SGCZ: variants seen among roughly 807,000 people sequenced by gnomAD.
SGCZ encodes sarcoglycan zeta.
In SGCZ, 40 loss-of-function variants were observed where a neutral mutation model predicts 41.3. The observed-to-expected ratio is 0.97, with a 90% confidence interval of 0.75 to 1.26. SGCZ has a LOEUF of 1.26. Ranked by LOEUF, SGCZ falls within the 50% of genes most tolerant of loss-of-function variation. The pLI is 0.00. For synonymous variants in SGCZ, 206 were observed against 137.5 expected, an observed-to-expected ratio of 1.50 and a Z score of -3.49; for missense variants, 552 against 369.8, an observed-to-expected ratio of 1.49 and a Z score of -4.04.
chr8:14,661,656 A>G (rs1237751555), intron 1 of SGCZ, among the ~76,000 whole-genome samples: 1 of 152,136 alleles, frequency 6.6e-6, no homozygotes, highest in Non-Finnish European at 1.5e-5. Context: ...GGGAATTCAG[A>G]GCTCTGAAAT....
intron 1 of SGCZ, among the ~76,000 whole-genome samples, chr8:14,892,831 A>G (rs1178240246): frequency 4.6e-5 from 7 of 152,190 alleles, no homozygotes; most frequent in Admixed American, 3.9e-4. Flanking sequence ...GAAGGTTTGA[A>G]CTATATGATC....
intron 3 of SGCZ, among the ~76,000 whole-genome samples, chr8:14,262,819 GAA>G (rs576967089): frequency 7.7e-4 from 93 of 120,598 alleles, no homozygotes; most frequent in South Asian, 1.9e-3. Context: ...AATACTTCAA[GAA>G]AAAAAAAAAA....
At chr8:14,277,768 A>T (rs6530746) in intron 3 of SGCZ, among the ~76,000 whole-genome samples, 4 of 151,882 alleles carry the variant, frequency 2.6e-5, no homozygotes, top group Non-Finnish European at 4.4e-5. Flanking sequence ...ACCCCAAGTG[A>T]GGGGAGGAAT....
chr8:14,562,118 A>AT (rs1055930191), intron 1 of SGCZ, among the ~76,000 whole-genome samples: 1 of 152,108 alleles, frequency 6.6e-6, no homozygotes, highest in African/African-American at 2.4e-5. Context: ...AGCAGAGACC[A>AT]TTTTTTACCT....
chr8:14,290,509 T>C (rs1380045192), intron 3 of SGCZ, among the ~76,000 whole-genome samples: 2 of 152,106 alleles, frequency 1.3e-5, no homozygotes, highest in East Asian at 1.9e-4. Context: ...AATGACCTCA[T>C]TTAAAAATGG....
intron 1 of SGCZ, among the ~76,000 whole-genome samples, chr8:14,599,949 T>C (rs867746378): frequency 6.6e-6 from 1 of 152,156 alleles, no homozygotes; most frequent in South Asian, 2.1e-4. Flanking sequence ...AAAATAAAAA[T>C]GGAAAAAAAT....
intron 2 of SGCZ, among the ~76,000 whole-genome samples, chr8:14,356,737 A>T (rs1009278169): frequency 6.6e-6 from 1 of 152,086 alleles, no homozygotes; most frequent in Non-Finnish European, 1.5e-5. Flanking sequence ...TATTTTTAAT[A>T]TTGTCTTTTC....
intron 2 of SGCZ, among the ~76,000 whole-genome samples, chr8:14,384,379 A>C (rs1365156185): frequency 6.6e-6 from 1 of 152,178 alleles, no homozygotes; most frequent in Non-Finnish European, 1.5e-5. Context: ...AATGTCGACC[A>C]ACGATAGACT....
chr8:15,159,801 T>C lies in SGCZ; in HGVS notation c.39+77784A>G, dbSNP rs376914188. 9.0e-5 allele frequency among the ~76,000 whole-genome samples: 12 copies of C among 133,780 alleles called. No individual in the cohort carries two copies. In the East Asian group the frequency reaches 2.6e-3, roughly 29 times the overall value. 87.8% of individuals were successfully genotyped at this position (133,780 alleles called of 152,430 possible). A position where few individuals can be genotyped will look rare whatever the true frequency, so the allele number is the denominator to read the frequency against. On this transcript the variant is annotated intron_variant, in intron 1 of 7. Coordinates refer to ENST00000382080, the MANE Select transcript of SGCZ (RefSeq NM_139167.4). ...GTGTCTGAATCAGCTTAATGGCAGA[T>C]AATTTTCTGGGACCAGTAATATGAC...
intron 2 of SGCZ, among the ~76,000 whole-genome samples, chr8:14,499,622 T>C (rs1286214977): frequency 6.6e-6 from 1 of 152,074 alleles, no homozygotes; most frequent in African/African-American, 2.4e-5. Flanking sequence ...TGACTTTCAT[T>C]TGACAGGTCA....
chr8:14,384,531 G>T (rs375336653), intron 2 of SGCZ, among the ~76,000 whole-genome samples: 2 of 152,120 alleles, frequency 1.3e-5, no homozygotes, highest in African/African-American at 4.8e-5. Context: ...CTTTAGCTAT[G>T]TCTAATTACT....
chr8:14,797,851 T>C (rs1412653405), intron 1 of SGCZ, among the ~76,000 whole-genome samples: 2 of 152,184 alleles, frequency 1.3e-5, no homozygotes, highest in African/African-American at 4.8e-5. Context: ...AAGGTAAAGC[T>C]CAGCCAATGG....
intron 4 of SGCZ, among the ~76,000 whole-genome samples, chr8:14,168,660 T>C (rs930562348): frequency 7.2e-5 from 11 of 152,166 alleles, no homozygotes; most frequent in African/African-American, 2.2e-4. Flanking sequence ...TCTTTATAAA[T>C]TAGGCAGTCT....
At chr8:14,539,447 T>C in intron 2 of SGCZ, among the ~76,000 whole-genome samples, 1 of 151,990 alleles carries the variant, frequency 6.6e-6, no homozygotes, top group East Asian at 1.9e-4. Context: ...GCAAGTTTTA[T>C]TCTGGGCAAC....
intron 1 of SGCZ, among the ~76,000 whole-genome samples, chr8:15,075,907 T>C (rs1805512094): frequency 6.6e-6 from 1 of 151,522 alleles, no homozygotes; most frequent in Non-Finnish European, 1.5e-5. Flanking sequence ...TAGGCAGAAA[T>C]ACAAATCATT....
intron 1 of SGCZ, among the ~76,000 whole-genome samples, chr8:15,065,408 GTATTGTAATTATTATTATTAT>G (rs1805093678): frequency 7.1e-6 from 1 of 140,950 alleles, no homozygotes; most frequent in African/African-American, 2.6e-5. Context: ...TTATCACATG[GTATTGTAATTATTATTATTAT>G]TATTATTATT....
chr8:14,295,835 G>C (rs1211166429), intron 3 of SGCZ, among the ~76,000 whole-genome samples: 4 of 152,148 alleles, frequency 2.6e-5, no homozygotes, highest in Non-Finnish European at 5.9e-5. Flanking sequence ...AGTGCGGCAG[G>C]TAGGGTACTG....
intron 1 of SGCZ, among the ~76,000 whole-genome samples, chr8:15,042,596 G>A (rs901683889): frequency 2.6e-5 from 4 of 152,108 alleles, no homozygotes; most frequent in African/African-American, 9.7e-5. Flanking sequence ...TACTTGATAT[G>A]GGTTAATACA....
intron 1 of SGCZ, among the ~76,000 whole-genome samples, chr8:14,606,392 C>G (rs1273511566): frequency 6.6e-6 from 1 of 152,180 alleles, no homozygotes; most frequent in African/African-American, 2.4e-5. Context: ...AGTTCCTCAA[C>G]AACACAAAAC....
Sources: gnomAD v4.1 joint callset for allele counts (sites outside exome capture counted in the v4.1 genomes callset) on GRCh38, gnomAD v4.1.1 for gene constraint, MANE v1.5 for transcripts, NCBI Gene and HGNC (gene_info 2026-07-23, HGNC 2026-07-21) for gene names.